DIP2B: variants seen among roughly 807,000 people sequenced by gnomAD.
DIP2B encodes DIP2 acetate--CoA ligase B (putative), also known as disco-interacting protein 2 homolog B.
Under a neutral mutation model 198.0 loss-of-function variants are expected in DIP2B, and 76 were observed. That is an observed-to-expected ratio of 0.38 (90% CI 0.32 to 0.46). DIP2B has a LOEUF of 0.46. DIP2B is among the 20% of genes least tolerant of loss of function. The pLI is 0.99. For missense variants in DIP2B, 1,559 were observed against 1,978.4 expected (o/e 0.79, Z 4.02); for synonymous variants, 701 against 739.1 (o/e 0.95, Z 0.84).
chr12:50,657,367 G>A (rs920687344), intron 3 of DIP2B, among the ~76,000 whole-genome samples: 1 of 151,966 alleles, frequency 6.6e-6, no homozygotes, highest in South Asian at 2.1e-4. Context: ...AATTGCAAAC[G>A]GAAGAATGGT....
rs189262363 is a variant in DIP2B, at chr12:50,583,173, A to G, written c.101-42803A>G. ...CCTCATGTTCTGAGAGGACTATTACATATCTTTTCCTCAAACCCACACACA... is the reference window on the plus strand; with the variant it reads ...CCTCATGTTCTGAGAGGACTATTACGTATCTTTTCCTCAAACCCACACACA... On this transcript the variant is annotated intron_variant, in intron 1 of 37. Coordinates refer to ENST00000301180, the MANE Select transcript of DIP2B (RefSeq NM_173602.3). 6.4e-4 allele frequency among the ~76,000 whole-genome samples: 98 copies of G among 152,260 alleles called. No individual in the cohort carries two copies. The East Asian group carries it at 0.014, about 21-fold the overall frequency.
intron 1 of DIP2B, 118 bp from the exon 2 acceptor site, chr12:50,625,858 C>CATATAGAA (rs1316243874): frequency 2.8e-6 from 3 of 1,072,656 alleles, no homozygotes; most frequent in Non-Finnish European, 4.2e-6. Context: ...ATTCCCCCCC[C>CATATAGAA]CAACCCCCTG....
chr12:50,534,639 C>T lies in DIP2B; in HGVS notation c.100+29399C>T, dbSNP rs145591554. On this transcript the variant is annotated intron_variant, in intron 1 of 37. Transcript: ENST00000301180. The stretch of plus-strand genomic sequence containing the variant: ...TCGGCCTCCCAAAGTGCTGGGATTA[C>T]AGGCGTGAGCCACCATGCCCGGCCT... Among the ~76,000 whole-genome samples the T allele has an allele frequency of 2.0e-4, 30 of 152,296 alleles. No homozygotes were observed. The East Asian group carries it at 5.6e-3, about 28-fold the overall frequency.
intron 1 of DIP2B, among the ~76,000 whole-genome samples, chr12:50,509,757 A>T (rs1957998316): frequency 6.6e-6 from 1 of 152,176 alleles, no homozygotes; most frequent in South Asian, 2.1e-4. Flanking sequence ...TAAAACTGGT[A>T]AATTCCTCCT....
At chr12:50,633,985 A>G (rs1209894154) in intron 2 of DIP2B, among the ~76,000 whole-genome samples, 1 of 152,186 alleles carries the variant, frequency 6.6e-6, no homozygotes, top group African/African-American at 2.4e-5. Flanking sequence ...AAGATTAAAG[A>G]TGAAAAATTC....
chr12:50,728,934 G>T (rs953424524), intron 30 of DIP2B, among the ~76,000 whole-genome samples: 1 of 152,106 alleles, frequency 6.6e-6, no homozygotes, highest in African/African-American at 2.4e-5. Flanking sequence ...GCTCCACCAT[G>T]TAATCCTTGC....
intron 2 of DIP2B, among the ~76,000 whole-genome samples, chr12:50,631,307 A>G (rs1225954925): frequency 1.3e-5 from 2 of 151,306 alleles, no homozygotes; most frequent in African/African-American, 2.4e-5. Context: ...GCTCACTGCA[A>G]CCTCTACCTC....
At position 50,580,596 on chromosome 12, in the gene DIP2B, C is replaced by T. The variant is rs1324224240; in HGVS notation, c.101-45380C>T. Among the ~76,000 whole-genome samples, 4 of 134,604 alleles carry T rather than the reference C, an allele frequency of 3.0e-5. 1 individual carries two copies. In the East Asian group the frequency reaches 8.3e-4, roughly 28 times the overall value. 88.3% of individuals were successfully genotyped at this position (134,604 alleles called of 152,430 possible). A position where few individuals can be genotyped will look rare whatever the true frequency, so the allele number is the denominator to read the frequency against. On this transcript the variant is annotated intron_variant, in intron 1 of 37. Coordinates refer to ENST00000301180, the MANE Select transcript of DIP2B (RefSeq NM_173602.3). ...TGTTGCCCAGACTAGAGTGTAGTGG[C>T]GTGATCTCGGCTCACTGCAACTTTC...
intron 1 of DIP2B, among the ~76,000 whole-genome samples, chr12:50,564,206 T>A (rs1006175336): frequency 6.6e-6 from 1 of 152,174 alleles, no homozygotes; most frequent in Non-Finnish European, 1.5e-5. Context: ...TTGCTGTGTA[T>A]ATACCTAGTT....
chr12:50,525,480 C>T (rs1410291451), intron 1 of DIP2B, among the ~76,000 whole-genome samples: 1 of 150,844 alleles, frequency 6.6e-6, no homozygotes, highest in Non-Finnish European at 1.5e-5. Flanking sequence ...TCCTTGAACT[C>T]AACCGTGATG....
intron 1 of DIP2B, among the ~76,000 whole-genome samples, chr12:50,616,370 G>A (rs1375727911): frequency 6.6e-6 from 1 of 152,156 alleles, no homozygotes; most frequent in African/African-American, 2.4e-5. Context: ...TAGACTGCCG[G>A]TTGAAGACTT....
Position 50,732,370 on chromosome 12 carries a change from G to C in DIP2B, c.3815G>C (p.Arg1272Thr). ...LGNQVEVLKT[R>T]GINLSCVRTC... is the part of the protein sequence containing the mutation. Reference sequence around the variant, plus strand: ...CCATATAATGGTGTCTTGCAGACCAGAGGGATCAACCTCTCCTGCGTCCGG... The same window carrying C: ...CCATATAATGGTGTCTTGCAGACCACAGGGATCAACCTCTCCTGCGTCCGG... Residue 1272 changes from arginine (R) to threonine (T), a missense_variant, in exon 32 of 38, where the codon AGA becomes ACA. Physicochemically the swap from Arg to Thr is moderately conservative, Grantham distance 71. Coordinates refer to ENST00000301180, the MANE Select transcript of DIP2B (RefSeq NM_173602.3). 6.2e-7 allele frequency: 1 copy of C among 1,614,202 alleles called. No homozygotes were observed. The highest frequency in any genetic ancestry group is 8.5e-7 in the Non-Finnish European group (1 of 1,180,032).
chr12:50,673,190 A>G (rs1794599601), intron 5 of DIP2B, among the ~76,000 whole-genome samples: 1 of 152,232 alleles, frequency 6.6e-6, no homozygotes. Flanking sequence ...TCATGTTAGT[A>G]TATTTAAAAT....
At position 50,662,831 on chromosome 12, in the gene DIP2B, C is replaced by T. The variant is rs376532230; in HGVS notation, c.427+2512C>T. ...GGCCAGCTACCAAAGTGACCTAAAGCGGGGTACGGTGGCTCATGCCTGTAA... is the reference window on the plus strand; with the variant it reads ...GGCCAGCTACCAAAGTGACCTAAAGTGGGGTACGGTGGCTCATGCCTGTAA... On this transcript the variant is annotated intron_variant, in intron 4 of 37. Transcript: ENST00000301180. 4.6e-5 allele frequency among the ~76,000 whole-genome samples: 7 copies of T among 152,224 alleles called. No homozygotes were observed. In the East Asian group the frequency reaches 5.8e-4, roughly 13 times the overall value.
intron 1 of DIP2B, among the ~76,000 whole-genome samples, chr12:50,511,268 T>C (rs374140495): frequency 2.8e-5 from 4 of 142,486 alleles, no homozygotes; most frequent in Non-Finnish European, 6.1e-5. Context: ...TTTGTAAACC[T>C]ATCCCTGACC....
intron 30 of DIP2B, among the ~76,000 whole-genome samples, chr12:50,730,379 TC>T (rs751762121): frequency 1.0e-3 from 118 of 115,030 alleles, no homozygotes; most frequent in Middle Eastern, 4.5e-3. Flanking sequence ...TTTCTCTCTC[TC>T]TCTTTTTTTT....
In DIP2B at chr12:50,550,531, T is replaced by A. The variant is rs183509448; in HGVS notation, c.100+45291T>A. ...CCTGAGGGGAATGGTCTAGATAACCTAACAGACTTTTCCATCCCTCATGAT... is the reference window on the plus strand; with the variant it reads ...CCTGAGGGGAATGGTCTAGATAACCAAACAGACTTTTCCATCCCTCATGAT... On this transcript the variant is annotated intron_variant, in intron 1 of 37. Coordinates refer to ENST00000301180, the MANE Select transcript of DIP2B (RefSeq NM_173602.3). Among the ~76,000 whole-genome samples, 5 of 152,328 alleles carry A rather than the reference T, an allele frequency of 3.3e-5. 1 individual carries two copies. In the East Asian group the frequency reaches 9.6e-4, roughly 29 times the overall value.
chr12:50,640,351 A>T (rs1187297949), intron 2 of DIP2B, among the ~76,000 whole-genome samples: 1 of 152,070 alleles, frequency 6.6e-6, no homozygotes, highest in Non-Finnish European at 1.5e-5. Flanking sequence ...GTTTATCTGG[A>T]GTGACTGACG....
chr12:50,710,673 C>T (rs1371742562), intron 22 of DIP2B, among the ~76,000 whole-genome samples: 1 of 152,168 alleles, frequency 6.6e-6, no homozygotes, highest in Non-Finnish European at 1.5e-5. Flanking sequence ...GATCCACCCA[C>T]CTCGGCCTCC....
Sources: gnomAD v4.1 joint callset for allele counts (sites outside exome capture counted in the v4.1 genomes callset) on GRCh38, gnomAD v4.1.1 for gene constraint, MANE v1.5 for transcripts, NCBI Gene and HGNC (gene_info 2026-07-23, HGNC 2026-07-21) for gene names.